The following IL4R variants were observed in gnomAD, a reference collection of about 807,000 sequenced individuals.
IL4R encodes interleukin 4 receptor.
Under a neutral mutation model 41.5 loss-of-function variants are expected in IL4R, and 17 were observed. The observed-to-expected ratio is 0.41, with a 90% CI of 0.28 to 0.61. IL4R has a LOEUF of 0.61. IL4R is among the 20% of genes least tolerant of loss of function. The probability of loss-of-function intolerance (pLI) is 0.31; values close to 1 mark genes in which losing one functional copy is unlikely to be tolerated. For synonymous variants in IL4R, 402 were observed against 422.9 expected, an observed-to-expected ratio of 0.95 and a Z score of 0.61; for missense variants, 974 against 1,043.1, an observed-to-expected ratio of 0.93 and a Z score of 0.91.
chr16:27,352,564 C>A lies in IL4R; in HGVS notation c.538C>A (p.Leu180Ile). Residue 180 changes from leucine to isoleucine, a missense_variant, in exon 7 of 11, where the codon CTA (leucine) becomes ATA (isoleucine). Around this residue, in one of 3 missense-constraint regions of IL4R, gnomAD observed 284 missense variants for 313.4 expected, o/e 0.91. Coordinates refer to ENST00000395762, the MANE Select transcript of IL4R (RefSeq NM_000418.4). ...GTTCAGAATCTATAACGTGACCTAC[C>A]TAGAACCCTCCCTCCGCATCGCAGC... ...ADFRIYNVTY[L>I]EPSLRIAAST... is the part of the protein sequence containing the mutation. The A allele has an allele frequency of 1.2e-6, 2 of 1,614,172 alleles. No individual in the cohort carries two copies. Among genetic ancestry groups the A allele is most frequent in the Non-Finnish European group, 1.7e-6 (2 of 1,180,012 alleles).
At chr16:27,360,736 G>A (rs1008353852) in intron 9 of IL4R, 30 bp from the exon 10 acceptor site, 4 of 1,613,988 alleles carry the variant, frequency 2.5e-6, no homozygotes, top group Middle Eastern at 3.4e-4. Context: ...AGGCCACTCT[G>A]CTCTTTCATT....
At chr16:27,349,549 G>A (rs1004219626) in intron 6 of IL4R, among the ~76,000 whole-genome samples, 2 of 152,190 alleles carry the variant, frequency 1.3e-5, no homozygotes, top group African/African-American at 4.8e-5. Flanking sequence ...GTTTATGGGT[G>A]TGAAAATTCA....
rs763918807 is a variant in IL4R at position 27,355,902 on chromosome 16, C to T, written c.765C>T (p.Ile255=). ...LAVCLLCYVS[I]TKIKKEWWDQ... ...TCTGCCTGTTGTGCTATGTCAGCAT[C>T]ACCAAGTGAGTCCTGGGCCCAGTGC... The change falls in exon 8 of 11, where the codon ATC becomes ATT. Residue 255 remains isoleucine, a synonymous_variant. Transcript: ENST00000395762. The T allele has an allele frequency of 6.2e-7, 1 of 1,611,102 alleles. No individual in the cohort carries two copies. Among genetic ancestry groups the T allele is most frequent in the South Asian group, 1.1e-5 (1 of 91,042 alleles).
At chr16:27,360,670 TGATGTC>T in intron 9 of IL4R, 90 bp from the exon 10 acceptor site, 2 of 1,437,918 alleles carry the variant, frequency 1.4e-6, no homozygotes, top group Non-Finnish European at 2.0e-6. Context: ...CTGATCTGTG[TGATGTC>T]GAGGCTTGTA....
chr16:27,358,669 C>T (rs1013312492), intron 8 of IL4R, among the ~76,000 whole-genome samples: 12 of 152,214 alleles, frequency 7.9e-5, no homozygotes, highest in African/African-American at 1.7e-4. Context: ...GGAGTGTGAA[C>T]CTGGCTCTGC....
In IL4R at chr16:27,363,552, G is replaced by A; in HGVS notation, c.2200G>A (p.Gly734Ser). The change falls in exon 11 of 11, where the codon GGC (glycine) becomes AGC (serine). Residue 734 changes from glycine to serine, a missense_variant. Gly to Ser is a moderately conservative substitution (Grantham distance 56). Coordinates refer to ENST00000395762, the MANE Select transcript of IL4R (RefSeq NM_000418.4). ...ACAGTGTCATGGCCAGGAGGATGGT[G>A]GCCAGACCCCTGTCATGGCCAGTCC... ...LKQCHGQEDG[G>S]QTPVMASPCC... is the part of the protein sequence containing the mutation. The A allele has an allele frequency of 1.2e-6, 2 of 1,614,130 alleles. No individual in the cohort carries two copies. Among genetic ancestry groups the A allele is most frequent in the Non-Finnish European group, 1.7e-6 (2 of 1,180,030 alleles).
At chr16:27,343,411 TTTTGTTTG>T (rs144213170) in intron 4 of IL4R, among the ~76,000 whole-genome samples, 6 of 151,536 alleles carry the variant, frequency 4.0e-5, no homozygotes, top group South Asian at 2.1e-4. Flanking sequence ...CCTTTATGTT[TTTTGTTTG>T]TTTGTTTGTT....
At chr16:27,360,847 T>C (rs758889124) in intron 10 of IL4R, 32 bp downstream of exon 10, 2 of 1,614,180 alleles carry the variant, frequency 1.2e-6, no homozygotes, top group South Asian at 1.1e-5. Flanking sequence ...ACAGCCTGCA[T>C]GCATTGGGAA....
rs1283369305 is a variant in IL4R, at chr16:27,363,648, C to T, written c.2296C>T (p.Pro766Ser). 1 of 1,613,670 alleles carries T rather than the reference C, an allele frequency of 6.2e-7. No individual in the cohort carries two copies. Among genetic ancestry groups the T allele is most frequent in the African/African-American group, 1.3e-5 (1 of 74,916 alleles). Reference sequence around the variant, plus strand: ...CCCCCTGAGGGCCCCAGACCCCTCTCCAGGTGGGGTTCCACTGGAGGCCAG... The same window carrying T: ...CCCCCTGAGGGCCCCAGACCCCTCTTCAGGTGGGGTTCCACTGGAGGCCAG... ...TTPLRAPDPS[P>S]GGVPLEASLC... The change falls in exon 11 of 11, where the codon CCA becomes TCA. Residue 766 changes from proline (P) to serine (S), a missense_variant. Physicochemically the swap from Pro to Ser is moderately conservative, Grantham distance 74 (BLOSUM62 -1). Coordinates refer to ENST00000395762, the MANE Select transcript of IL4R (RefSeq NM_000418.4).
At position 27,363,016 on chromosome 16, in the gene IL4R, G is replaced by A. The variant is rs762218388; in HGVS notation, c.1664G>A (p.Arg555His). 2.6e-5 allele frequency: 42 copies of A among 1,613,978 alleles called. No individual in the cohort carries two copies. In the East Asian group the frequency reaches 5.6e-4, roughly 21 times the overall value. ...PEPETWEQIL[R>H]RNVLQHGAAA... ...CCAGAAACCTGGGAGCAGATCCTCC[G>A]CCGAAATGTCCTCCAGCATGGGGCA... is the stretch of plus-strand genomic sequence containing the variant. The change falls in exon 11 of 11, where the codon CGC becomes CAC. Residue 555 changes from arginine to histidine, a missense_variant. Coordinates refer to ENST00000395762, the MANE Select transcript of IL4R (RefSeq NM_000418.4).
intron 8 of IL4R, among the ~76,000 whole-genome samples, chr16:27,358,003 C>T (rs976918302): frequency 1.3e-5 from 2 of 151,986 alleles, no homozygotes; most frequent in African/African-American, 4.8e-5. Context: ...AAGCGATTCT[C>T]CTGCCTCAGC....
chr16:27,314,625 C>CT (rs371911001), intron 1 of IL4R, among the ~76,000 whole-genome samples: 2 of 152,306 alleles, frequency 1.3e-5, no homozygotes, highest in African/African-American at 4.8e-5. Flanking sequence ...ACCCCAGCCG[C>CT]TTTAGTAACT....
chr16:27,362,653 C>T lies in IL4R; in HGVS notation c.1301C>T (p.Pro434Leu). The change falls in exon 11 of 11, where the codon CCA (proline) becomes CTA (leucine). Residue 434 changes from proline to leucine, a missense_variant. Coordinates refer to ENST00000395762, the MANE Select transcript of IL4R (RefSeq NM_000418.4). ...QQDMGESCLL[P>L]PSGSTSAHMP... Reference sequence around the variant, plus strand: ...GACATGGGGGAGTCATGCCTTCTTCCACCTTCGGGAAGTACGAGTGCTCAC... The same window carrying T: ...GACATGGGGGAGTCATGCCTTCTTCTACCTTCGGGAAGTACGAGTGCTCAC... The T allele has an allele frequency of 6.2e-7, 1 of 1,614,094 alleles. No individual in the cohort carries two copies. Among genetic ancestry groups the T allele is most frequent in the Non-Finnish European group, 8.5e-7 (1 of 1,180,004 alleles).
chr16:27,331,849 T>C (rs1249381089), intron 2 of IL4R, among the ~76,000 whole-genome samples: 1 of 152,174 alleles, frequency 6.6e-6, no homozygotes, highest in African/African-American at 2.4e-5. Context: ...CTTGCTGCTC[T>C]CAGTTTTTGC....
intron 8 of IL4R, among the ~76,000 whole-genome samples, chr16:27,357,680 TC>T (rs1010583041): frequency 1.3e-5 from 2 of 152,008 alleles, no homozygotes; most frequent in Non-Finnish European, 2.9e-5. Context: ...GCCAGGATGG[TC>T]TTGAACTCCT....
At chr16:27,332,365 A>T (rs1485639681) in intron 2 of IL4R, among the ~76,000 whole-genome samples, 1 of 152,006 alleles carries the variant, frequency 6.6e-6, no homozygotes, top group African/African-American at 2.4e-5. Context: ...CCCTTTATAA[A>T]ACCATCAGAT....
chr16:27,347,695 G>T (rs1190372953), intron 6 of IL4R, among the ~76,000 whole-genome samples: 2 of 152,152 alleles, frequency 1.3e-5, no homozygotes, highest in South Asian at 2.1e-4. Flanking sequence ...CCCATTGGAG[G>T]GACAATCTCT....
At chr16:27,342,401 T>A in intron 4 of IL4R, 142 bp downstream of exon 4, 6 of 860,360 alleles carry the variant, frequency 7.0e-6, no homozygotes, top group South Asian at 1.6e-5. Flanking sequence ...AGAGGGGAGG[T>A]CCCATCTCCA....
chr16:27,328,021 C>T (rs1204499123), intron 1 of IL4R, among the ~76,000 whole-genome samples: 1 of 151,752 alleles, frequency 6.6e-6, no homozygotes, highest in East Asian at 1.9e-4. Context: ...ACCATCCTGG[C>T]CAACATGGTG....
Sources: allele counts gnomAD v4.1 joint callset (sites outside exome capture counted in the v4.1 genomes callset), GRCh38; gene constraint gnomAD v4.1.1; regional missense constraint gnomAD v4.1.1; transcripts MANE v1.5; gene names NCBI Gene and HGNC (gene_info 2026-07-23, HGNC 2026-07-21).